The following KHDC1 variants were observed in gnomAD, a reference collection of about 807,000 sequenced individuals.
The protein encoded by KHDC1 is KH domain containing 1, also known as KH homology domain-containing protein 1.
A neutral mutation model predicts 24.7 loss-of-function variants in KHDC1; 21 were observed. The ratio of observed to expected loss-of-function variants is 0.85; its 90% CI spans 0.60 to 1.23. The LOEUF is 1.23. Ranked by LOEUF, KHDC1 falls within the 50% of genes most tolerant of loss-of-function variation. The pLI is 0.00. For missense variants in KHDC1, 274 were observed against 298.5 expected (o/e 0.92, Z 0.61); for synonymous variants, 98 against 111.7 (o/e 0.88, Z 0.77).
In KHDC1 at chr6:73,255,367, C is replaced by T. The variant is rs145618473; in HGVS notation, c.207-12837G>A. ...CCCGAGTAGCTGGGACTATGGGGCA[C>T]GCCACCACGCCCAGATAATTTTTGC... On this transcript the variant is annotated intron_variant, in intron 2 of 4. Transcript: ENST00000370384. Among the ~76,000 whole-genome samples, 792 of 150,716 alleles carry T rather than the reference C, an allele frequency of 5.3e-3. 2 individuals carry two copies. The highest frequency in any genetic ancestry group is 8.7e-3 in the Non-Finnish European group (589 of 67,632).
exon 5 of KHDC1, chr6:73,241,720 T>A (rs1483424596): frequency 1.2e-6 from 2 of 1,613,968 alleles, no homozygotes; most frequent in Admixed American, 1.7e-5. Flanking sequence ...CGTTCCAGCA[T>A]CTCCAGGCCT....
chr6:73,264,412 A>T (rs1273527212), intron 2 of KHDC1, among the ~76,000 whole-genome samples: 1 of 152,182 alleles, frequency 6.6e-6, no homozygotes, highest in African/African-American at 2.4e-5. Context: ...GCTAGTTCAG[A>T]CACAGCCTAG....
chr6:73,242,673 T>C, intron 2 of KHDC1, 143 bp from the exon 2 acceptor site: 1 of 896,724 alleles, frequency 1.1e-6, no homozygotes, highest in South Asian at 1.8e-5. Flanking sequence ...AATCCCGGTA[T>C]CTCTTCCCAA....
intron 2 of KHDC1, among the ~76,000 whole-genome samples, chr6:73,259,511 TCTTA>T (rs1766940983): frequency 6.6e-6 from 1 of 152,154 alleles, no homozygotes; most frequent in Non-Finnish European, 1.5e-5. Context: ...TTGGGGTTCT[TCTTA>T]CTTCTCCTTG....
chr6:73,279,575 A>ATTTTTTTT (rs560281126), intron 2 of KHDC1, among the ~76,000 whole-genome samples: 1 of 98,312 alleles, frequency 1.0e-5, no homozygotes. Context: ...GGGACCATGG[A>ATTTTTTTT]TTTTTTTTTT....
chr6:73,308,497 C>A (rs1768015215), intron 1 of KHDC1, among the ~76,000 whole-genome samples: 1 of 151,764 alleles, frequency 6.6e-6, no homozygotes, highest in Admixed American at 6.6e-5. Context: ...AGGAGTGAAC[C>A]ACCGCGTCCG....
intron 2 of KHDC1, among the ~76,000 whole-genome samples, chr6:73,248,354 TTCTC>T (rs1243557854): frequency 4.0e-5 from 6 of 151,654 alleles, no homozygotes; most frequent in Non-Finnish European, 8.8e-5. Flanking sequence ...GATGTTCCAC[TTCTC>T]TCTCTGTCTC....
intron 2 of KHDC1, 162 bp from the exon 2 acceptor site, chr6:73,242,692 A>T (rs762670249): frequency 5.7e-4 from 431 of 758,198 alleles, no homozygotes; most frequent in Non-Finnish European, 7.9e-4. Flanking sequence ...AAGATAATTC[A>T]TTCCAAGTAA....
intron 2 of KHDC1, among the ~76,000 whole-genome samples, chr6:73,287,764 C>T (rs1377437152): frequency 6.6e-6 from 1 of 152,192 alleles, no homozygotes; most frequent in Non-Finnish European, 1.5e-5. Flanking sequence ...ATCTGCCACT[C>T]CTCTTAGAGG....
At chr6:73,277,454 G>C (rs984442321) in intron 2 of KHDC1, among the ~76,000 whole-genome samples, 1 of 152,084 alleles carries the variant, frequency 6.6e-6, no homozygotes, top group Non-Finnish European at 1.5e-5. Flanking sequence ...GACAGAGCAA[G>C]ACTCTGTCTC....
chr6:73,294,005 C>CAACAA (rs1767712871), intron 1 of KHDC1, among the ~76,000 whole-genome samples: 1 of 64,906 alleles, frequency 1.5e-5, no homozygotes, highest in Admixed American at 2.1e-4. Flanking sequence ...GACTCCACCT[C>CAACAA]AAAAAAAAAA....
rs111717310 is a variant in KHDC1 at position 73,295,737 on chromosome 6, T to G, written c.164-3697A>C. Among the ~76,000 whole-genome samples, 338 of 151,712 alleles carry G rather than the reference T, an allele frequency of 2.2e-3. 4 individuals carry two copies. The highest frequency in any genetic ancestry group is 6.8e-3 in the Middle Eastern group (2 of 292). On this transcript the variant is annotated intron_variant, in intron 1 of 4. Coordinates refer to ENST00000370384, the Ensembl canonical transcript of KHDC1. ...GGCACACACCTGTAGTCCCAGCTAC[T>G]CGGGAGGTTGAGGCAGGAGAATCAC...
At chr6:73,263,242 C>T in intron 2 of KHDC1, 46 bp from the exon 1 acceptor site, 1 of 986,586 alleles carries the variant, frequency 1.0e-6, no homozygotes, top group Non-Finnish European at 1.2e-6. Context: ...CGGGAAGCAA[C>T]CCAGAGCCCT....
chr6:73,297,968 A>C (rs1382997419), intron 1 of KHDC1, among the ~76,000 whole-genome samples: 2 of 152,106 alleles, frequency 1.3e-5, no homozygotes, highest in African/African-American at 4.8e-5. Context: ...AAAACCGCAG[A>C]TCACATGACT....
chr6:73,253,933 CA>C (rs1467306554), intron 2 of KHDC1, among the ~76,000 whole-genome samples: 2 of 151,798 alleles, frequency 1.3e-5, no homozygotes, highest in South Asian at 2.1e-4. Context: ...ACAATAACAA[CA>C]ACAAAAAACA....
intron 1 of KHDC1, chr6:73,292,560 C>T: frequency 1.3e-6 from 1 of 767,356 alleles, no homozygotes; most frequent in East Asian, 2.4e-5. Flanking sequence ...GATAATAATT[C>T]TGTGAGTTCT....
intron 2 of KHDC1, among the ~76,000 whole-genome samples, chr6:73,258,768 T>G (rs2008791591): frequency 6.6e-6 from 1 of 152,224 alleles, no homozygotes; most frequent in African/African-American, 2.4e-5. Context: ...ACCTGTAAAA[T>G]GGTATTAATC....
At chr6:73,291,081 T>C (rs906822112) in intron 2 of KHDC1, 2 of 456,654 alleles carry the variant, frequency 4.4e-6, no homozygotes, top group Non-Finnish European at 8.6e-6. Flanking sequence ...AATGGACTGC[T>C]GTAGTGCAAG....
intron 2 of KHDC1, among the ~76,000 whole-genome samples, chr6:73,279,575 A>ATTTT (rs560281126): frequency 1.0e-4 from 10 of 98,308 alleles, no homozygotes; most frequent in African/African-American, 2.2e-4. Flanking sequence ...GGGACCATGG[A>ATTTT]TTTTTTTTTT....
Sources: allele counts gnomAD v4.1 joint callset (sites outside exome capture counted in the v4.1 genomes callset), GRCh38; gene constraint gnomAD v4.1.1; transcripts MANE v1.5; gene names NCBI Gene and HGNC (gene_info 2026-07-23, HGNC 2026-07-21).